ANGPT1: variants seen among roughly 807,000 people sequenced by gnomAD.
ANGPT1 encodes angiopoietin-1.
In ANGPT1, 17 loss-of-function variants were observed where a neutral mutation model predicts 62.2. The observed-to-expected ratio is 0.27, with a 90% CI of 0.19 to 0.41. The LOEUF (loss-of-function observed/expected upper bound fraction) is 0.41. Among genes scored for constraint, ANGPT1 ranks in the 10% least tolerant of loss-of-function variants. The pLI, the probability that ANGPT1 is intolerant of heterozygous loss-of-function variation, is 1.00. For missense variants in ANGPT1, 478 were observed against 594.9 expected (o/e 0.80, Z 2.04); for synonymous variants, 199 against 198.9 (o/e 1.00, Z 0.00).
At position 107,338,907 on chromosome 8, in the gene ANGPT1, A is replaced by T. The variant is rs149634024; in HGVS notation, c.454-2636T>A. Among the ~76,000 whole-genome samples the T allele has an allele frequency of 2.8e-3, 432 of 152,318 alleles. 2 individuals are homozygous for T. Among genetic ancestry groups the T allele is most frequent in the African/African-American group, 1.0e-2 (414 of 41,576 alleles). On this transcript the variant is annotated intron_variant, in intron 2 of 8. Transcript: ENST00000517746. ...GACAACACTCAATATTTGTTTATGG[A>T]TACTCAGTATTTGCTTATGAGGTAC...
intron 8 of ANGPT1, among the ~76,000 whole-genome samples, chr8:107,256,943 G>A (rs921069707): frequency 3.9e-5 from 6 of 151,934 alleles, no homozygotes; most frequent in South Asian, 2.1e-4. Context: ...CGCAACCTCC[G>A]CCTCTCGGGT....
chr8:107,328,355 T>A (rs1172162642), intron 3 of ANGPT1, among the ~76,000 whole-genome samples: 1 of 151,954 alleles, frequency 6.6e-6, no homozygotes, highest in Non-Finnish European at 1.5e-5. Flanking sequence ...TGTTTGGAAA[T>A]TCAAATTTGG....
At chr8:107,339,253 A>G (rs1338855430) in intron 2 of ANGPT1, among the ~76,000 whole-genome samples, 1 of 152,196 alleles carries the variant, frequency 6.6e-6, no homozygotes, top group Non-Finnish European at 1.5e-5. Context: ...AGATCATGCC[A>G]TCTCCTTTGC....
chr8:107,485,837 C>T (rs1370738315), intron 1 of ANGPT1, among the ~76,000 whole-genome samples: 2 of 152,212 alleles, frequency 1.3e-5, no homozygotes, highest in African/African-American at 2.4e-5. Flanking sequence ...TAGGCGGCTT[C>T]GCCCCATGTA....
intron 5 of ANGPT1, among the ~76,000 whole-genome samples, chr8:107,299,415 ATAT>A (rs1814502049): frequency 7.0e-6 from 1 of 142,632 alleles, no homozygotes; most frequent in South Asian, 2.2e-4. Flanking sequence ...ATATATATAT[ATAT>A]ATAAACATAC....
chr8:107,370,383 A>AGAAG (rs1816375909), intron 1 of ANGPT1, among the ~76,000 whole-genome samples: 2 of 44,608 alleles, frequency 4.5e-5, no homozygotes, highest in African/African-American at 8.9e-5. Flanking sequence ...AAAGAAAGAA[A>AGAAG]GAAAGAAAGA....
rs1815155508 is a variant in ANGPT1, at chr8:107,321,801, C to T, written c.808+95G>A. 3.0e-6 allele frequency: 3 copies of T among 990,000 alleles called. No homozygotes were observed. In the African/African-American group the frequency reaches 4.9e-5, roughly 16 times the overall value. 61.3% of individuals were successfully genotyped at this position (990,000 alleles called of 1,614,324 possible). On this transcript the variant is annotated intron_variant, in intron 4 of 8. Coordinates refer to ENST00000517746, the MANE Select transcript of ANGPT1 (RefSeq NM_001146.5). ...TAAAGTTCTTCTGCTATTTTTTACA[C>T]AGCAATCAATGCACTGTAGAAAGCT...
intron 1 of ANGPT1, among the ~76,000 whole-genome samples, chr8:107,387,777 C>T (rs1002909187): frequency 2.0e-4 from 25 of 126,832 alleles, no homozygotes; most frequent in African/African-American, 4.8e-4. Context: ...ATACTATAAT[C>T]TCTACCTAGG....
At chr8:107,451,924 A>G (rs1230178751) in intron 1 of ANGPT1, among the ~76,000 whole-genome samples, 1 of 151,836 alleles carries the variant, frequency 6.6e-6, no homozygotes, top group Non-Finnish European at 1.5e-5. Context: ...TGTGTTTTTC[A>G]CCATGTTGAT....
intron 1 of ANGPT1, among the ~76,000 whole-genome samples, chr8:107,359,031 A>T (rs1816107013): frequency 6.6e-6 from 1 of 152,100 alleles, no homozygotes; most frequent in Non-Finnish European, 1.5e-5. Flanking sequence ...CACTTTCATG[A>T]TGTACAAAAA....
intron 1 of ANGPT1, among the ~76,000 whole-genome samples, chr8:107,426,446 T>C (rs1044699965): frequency 1.3e-5 from 2 of 152,190 alleles, no homozygotes; most frequent in African/African-American, 2.4e-5. Flanking sequence ...AATCGCATGT[T>C]TGAGGAAAGT....
chr8:107,351,368 G>A (rs16876090), intron 1 of ANGPT1, among the ~76,000 whole-genome samples: 11,567 of 151,934 alleles, frequency 0.076, 470 homozygotes, highest in East Asian at 0.11. Context: ...TTAGAAATCC[G>A]AGGCCTTCAG....
intron 3 of ANGPT1, among the ~76,000 whole-genome samples, chr8:107,330,644 A>G (rs191363302): frequency 1.1e-3 from 174 of 152,284 alleles, no homozygotes; most frequent in Admixed American, 4.8e-3. Flanking sequence ...GCTTAAACCC[A>G]GAGGTCACTG....
chr8:107,466,106 A>G (rs1031389325), intron 1 of ANGPT1, among the ~76,000 whole-genome samples: 3 of 152,178 alleles, frequency 2.0e-5, no homozygotes, highest in Non-Finnish European at 2.9e-5. Context: ...GGTTTTTTGT[A>G]TGGCGGAAGA....
intron 1 of ANGPT1, among the ~76,000 whole-genome samples, chr8:107,438,296 ATCTTCT>A (rs972794314): frequency 6.7e-6 from 1 of 149,962 alleles, no homozygotes; most frequent in South Asian, 2.1e-4. Context: ...TGATATCATC[ATCTTCT>A]TCTTCTTCTT....
chr8:107,271,246 T>C (rs1303581440), intron 7 of ANGPT1, among the ~76,000 whole-genome samples: 3 of 152,074 alleles, frequency 2.0e-5, no homozygotes, highest in African/African-American at 7.2e-5. Context: ...GCCTCATCTG[T>C]AAAATACCTC....
intron 3 of ANGPT1, among the ~76,000 whole-genome samples, chr8:107,328,852 T>G (rs1396953098): frequency 6.6e-6 from 1 of 151,920 alleles, no homozygotes; most frequent in South Asian, 2.1e-4. Context: ...CTTGTGAATA[T>G]CTATAAAAAA....
At chr8:107,351,133 A>G (rs1026369452) in intron 1 of ANGPT1, among the ~76,000 whole-genome samples, 1 of 152,146 alleles carries the variant, frequency 6.6e-6, no homozygotes, top group Admixed American at 6.6e-5. Context: ...CCTGAATAAT[A>G]AAATTATTTG....
intron 3 of ANGPT1, among the ~76,000 whole-genome samples, chr8:107,334,889 T>C (rs1423433443): frequency 6.6e-6 from 1 of 152,210 alleles, no homozygotes; most frequent in Admixed American, 6.5e-5. Flanking sequence ...AGTTTATTTG[T>C]AGTTATACAG....
Sources: allele counts gnomAD v4.1 joint callset (sites outside exome capture counted in the v4.1 genomes callset), GRCh38; gene constraint gnomAD v4.1.1; transcripts MANE v1.5; gene names NCBI Gene and HGNC (gene_info 2026-07-23, HGNC 2026-07-21).